PPP3CA: variants seen among roughly 807,000 people sequenced by gnomAD.
PPP3CA encodes protein phosphatase 3 catalytic subunit alpha, also known as CAM-PRP catalytic subunit.
A neutral mutation model predicts 66.5 loss-of-function variants in PPP3CA; 14 were observed. The ratio of observed to expected loss-of-function variants is 0.21; its 90% CI spans 0.14 to 0.33. The LOEUF is 0.33. Among genes scored for constraint, PPP3CA ranks in the 10% least tolerant of loss-of-function variants. PPP3CA has a pLI of 1.00. For missense variants in PPP3CA, 317 were observed against 639.5 expected (o/e 0.50, Z 5.44); for synonymous variants, 232 against 226.2 (o/e 1.03, Z -0.23).
intron 1 of PPP3CA, among the ~76,000 whole-genome samples, chr4:101,279,976 C>G (rs557295213): frequency 6.6e-6 from 1 of 152,300 alleles, no homozygotes; most frequent in East Asian, 1.9e-4. Context: ...TTTTCAGTTC[C>G]TGGAACTGAA....
rs1258430839 is a variant in PPP3CA at position 101,196,023 on chromosome 4, A to C, written c.152T>G (p.Met51Arg). ...PRVDILKAHL[M>R]KEGRLEESVA... ...ACTCTCTTCCAGCCTTCCCTCCTTC[A>C]TAAGATGCGCCTTTAAGATATCCAC... Residue 51 changes from methionine to arginine, a missense_variant, in exon 2 of 14, where the codon ATG (methionine) becomes AGG (arginine). Met to Arg is a moderately conservative substitution (Grantham distance 91, BLOSUM62 -1). Around this residue, in one of 3 missense-constraint regions of PPP3CA, gnomAD observed 76 missense variants for 99.5 expected, o/e 0.76. Coordinates refer to ENST00000394854, the MANE Select transcript of PPP3CA (RefSeq NM_000944.5). The C allele has an allele frequency of 6.2e-7, 1 of 1,613,884 alleles. No individual in the cohort carries two copies. The highest frequency in any genetic ancestry group is 1.3e-5 in the African/African-American group (1 of 74,906).
chr4:101,270,092 G>A (rs1353868236), intron 1 of PPP3CA, among the ~76,000 whole-genome samples: 1 of 152,136 alleles, frequency 6.6e-6, no homozygotes, highest in African/African-American at 2.4e-5. Flanking sequence ...CAAGATCTTT[G>A]AGGAATATTG....
intron 8 of PPP3CA, among the ~76,000 whole-genome samples, chr4:101,068,852 A>G (rs1346618682): frequency 6.6e-6 from 1 of 152,188 alleles, no homozygotes; most frequent in Non-Finnish European, 1.5e-5. Context: ...TACTCTTTAG[A>G]TCATAAGCTT....
chr4:101,168,382 A>G lies in PPP3CA; in HGVS notation c.259+27534T>C, dbSNP rs140914391. On this transcript the variant is annotated intron_variant, in intron 2 of 13. Coordinates refer to ENST00000394854, the MANE Select transcript of PPP3CA (RefSeq NM_000944.5). ...CACAGGCAAATGGAGAAAAGTAGAT[A>G]ACTAGAAATATGAGACTGGACAGAG... Among the ~76,000 whole-genome samples, 744 of 152,314 alleles carry G rather than the reference A, an allele frequency of 4.9e-3. 6 individuals carry two copies. Among genetic ancestry groups the G allele is most frequent in the African/African-American group, 0.017 (697 of 41,578 alleles).
intron 1 of PPP3CA, among the ~76,000 whole-genome samples, chr4:101,263,845 G>A (rs1273790603): frequency 6.6e-6 from 1 of 152,032 alleles, no homozygotes; most frequent in Non-Finnish European, 1.5e-5. Flanking sequence ...CCATTCAAGG[G>A]TTTTATATAA....
At chr4:101,131,114 A>G (rs71614683) in intron 2 of PPP3CA, among the ~76,000 whole-genome samples, 14,780 of 151,884 alleles carry the variant, frequency 0.097, 933 homozygotes, top group Non-Finnish European at 0.14. Context: ...GTGGGGGCCT[A>G]TATTCCCAGC....
chr4:101,269,745 A>G (rs1727278804), intron 1 of PPP3CA, among the ~76,000 whole-genome samples: 1 of 152,138 alleles, frequency 6.6e-6, no homozygotes, highest in African/African-American at 2.4e-5. Flanking sequence ...TGCTGGCATA[A>G]TTACCCACCT....
At chr4:101,147,517 GC>G (rs1296581480) in intron 2 of PPP3CA, among the ~76,000 whole-genome samples, 2 of 152,098 alleles carry the variant, frequency 1.3e-5, no homozygotes, top group African/African-American at 2.4e-5. Context: ...AAAAAGCTGA[GC>G]CCATTGAAAT....
At chr4:101,318,816 A>G (rs1403605581) in intron 1 of PPP3CA, among the ~76,000 whole-genome samples, 2 of 152,144 alleles carry the variant, frequency 1.3e-5, no homozygotes, top group Non-Finnish European at 2.9e-5. Flanking sequence ...CTCGCTATCA[A>G]GAGAATTCTA....
chr4:101,098,095 C>T (rs547944973), intron 5 of PPP3CA, among the ~76,000 whole-genome samples: 1 of 152,180 alleles, frequency 6.6e-6, no homozygotes, highest in East Asian at 1.9e-4. Context: ...AATGATAAGG[C>T]ATATTTTTTT....
At chr4:101,323,337 T>C (rs752445559) in intron 1 of PPP3CA, among the ~76,000 whole-genome samples, 5 of 152,208 alleles carry the variant, frequency 3.3e-5, no homozygotes, top group Non-Finnish European at 7.3e-5. Context: ...AAGGCAATTA[T>C]TTTAAAGACT....
intron 1 of PPP3CA, among the ~76,000 whole-genome samples, chr4:101,315,211 A>T (rs1368785693): frequency 6.6e-6 from 1 of 152,192 alleles, no homozygotes; most frequent in Non-Finnish European, 1.5e-5. Context: ...AAAGACACAC[A>T]TCTATGAAGG....
chr4:101,058,537 G>A (rs1728323135), intron 10 of PPP3CA, among the ~76,000 whole-genome samples: 1 of 152,102 alleles, frequency 6.6e-6, no homozygotes, highest in African/African-American at 2.4e-5. Context: ...GGGGAATTCA[G>A]GGGTCTGCTT....
In PPP3CA at chr4:101,048,509, C is replaced by CAAAAAAAAA. The variant is rs59988569; in HGVS notation, c.1157-7952_1157-7944dup. 6.0e-5 allele frequency among the ~76,000 whole-genome samples: 4 copies of CAAAAAAAAA among 66,332 alleles called. 1 individual carries two copies. Among genetic ancestry groups the CAAAAAAAAA allele is most frequent in the Admixed American group, 1.9e-4 (1 of 5,364 alleles). The allele number at this position is 66,332 out of a possible 152,430, so 43.5% of individuals were successfully genotyped here. A position where few individuals can be genotyped will look rare whatever the true frequency, so the allele number is the denominator to read the frequency against. ...CCAGAGATTGTTTGCTTTCTCTCAC[C>CAAAAAAAAA]AAAAAAAAAAAAAAAAAAAAAAAAA... On this transcript the variant is annotated intron_variant, in intron 10 of 13. Coordinates refer to ENST00000394854, the MANE Select transcript of PPP3CA (RefSeq NM_000944.5).
chr4:101,108,429 C>A (rs1721513311), intron 3 of PPP3CA, among the ~76,000 whole-genome samples: 1 of 152,124 alleles, frequency 6.6e-6, no homozygotes. Flanking sequence ...GTACAAAAGG[C>A]AAAATCTTAC....
intron 1 of PPP3CA, among the ~76,000 whole-genome samples, chr4:101,244,415 C>T (rs1726410281): frequency 6.6e-6 from 1 of 152,080 alleles, no homozygotes; most frequent in African/African-American, 2.4e-5. Flanking sequence ...ATCTGCAAGT[C>T]GAACAACCTG....
At chr4:101,113,038 C>A (rs1036249421) in intron 2 of PPP3CA, among the ~76,000 whole-genome samples, 6 of 152,128 alleles carry the variant, frequency 3.9e-5, no homozygotes, top group African/African-American at 1.4e-4. Flanking sequence ...TAGAGATTGA[C>A]AAGTTTGTGG....
At position 101,339,979 on chromosome 4, in the gene PPP3CA, CTCTAAG is replaced by C. The variant is rs977428615; in HGVS notation, c.58+6754_58+6759del. 3.9e-5 allele frequency among the ~76,000 whole-genome samples: 6 copies of C among 152,274 alleles called. No individual in the cohort carries two copies. The East Asian group carries it at 5.8e-4, about 15-fold the overall frequency. ...GGACAATAAAATCACCACAGAAAGA[CTCTAAG>C]TCTAAGAATCTTAGAGCTGATGAAA... On this transcript the variant is annotated intron_variant, in intron 1 of 13. Coordinates refer to ENST00000394854, the MANE Select transcript of PPP3CA (RefSeq NM_000944.5).
At position 101,148,182 on chromosome 4, in the gene PPP3CA, A is replaced by G. The variant is rs528218892; in HGVS notation, c.260-39104T>C. Among the ~76,000 whole-genome samples, 13 of 152,268 alleles carry G rather than the reference A, an allele frequency of 8.5e-5. No homozygotes were observed. In the East Asian group the frequency reaches 2.5e-3, roughly 29 times the overall value. On this transcript the variant is annotated intron_variant, in intron 2 of 13. Transcript: ENST00000394854. ...ATCTGGTCTTACTGAATTAAAATGT[A>G]CTTGGAAAAAAAATGTTTCCTTTGA...
Sources: allele counts gnomAD v4.1 joint callset (sites outside exome capture counted in the v4.1 genomes callset), GRCh38; gene constraint gnomAD v4.1.1; regional missense constraint gnomAD v4.1.1; transcripts MANE v1.5; gene names NCBI Gene and HGNC (gene_info 2026-07-23, HGNC 2026-07-21).